RAD51B: variants seen among roughly 807,000 people sequenced by gnomAD.
RAD51B encodes the protein RAD51 paralog B.
In RAD51B, 38 loss-of-function variants were observed where a neutral mutation model predicts 42.2. The ratio of observed to expected loss-of-function variants is 0.90; its 90% confidence interval spans 0.70 to 1.18. The LOEUF (loss-of-function observed/expected upper bound fraction) is 1.18. Ranked by LOEUF, RAD51B falls within the 50% of genes most tolerant of loss-of-function variation. RAD51B has a pLI of 0.00. For missense variants in RAD51B, 373 were observed against 400.7 expected, an observed-to-expected ratio of 0.93 and a Z score of 0.59; for synonymous variants, 154 against 145.2, an observed-to-expected ratio of 1.06 and a Z score of -0.43.
Position 68,477,784 on chromosome 14 carries a change from G to A in RAD51B, c.*120G>A. The A allele has an allele frequency of 6.5e-7, 1 of 1,538,506 alleles. No individual in the cohort carries two copies. Among genetic ancestry groups the A allele is most frequent in the Non-Finnish European group, 8.7e-7 (1 of 1,147,294 alleles). ...AATGGGGATTAATTAGTTGATTGCTGTTGAGATGGTAACAGATTTGCTCCT... is the reference window on the plus strand; with the variant it reads ...AATGGGGATTAATTAGTTGATTGCTATTGAGATGGTAACAGATTTGCTCCT... On this transcript the variant is annotated 3_prime_UTR_variant, in exon 11 of 11. Transcript: ENST00000471583.
At chr14:68,543,902 A>G (rs1174375060) in intron 10 of RAD51B, among the ~76,000 whole-genome samples, 2 of 152,232 alleles carry the variant, frequency 1.3e-5, no homozygotes, top group African/African-American at 4.8e-5. Context: ...TACACCAGAC[A>G]GCCTCTCAGG....
chr14:68,444,535 G>A lies in RAD51B; in HGVS notation c.958-23637G>A, dbSNP rs147321793. Among the ~76,000 whole-genome samples, 208 of 152,306 alleles carry A rather than the reference G, an allele frequency of 1.4e-3. 1 individual carries two copies. The highest frequency in any genetic ancestry group is 4.9e-3 in the African/African-American group (204 of 41,574). ...ATTGGAATGGAAATTAAACCATCCA[G>A]AGTGTTTTATTTTAGAGGGATAGGG... On this transcript the variant is annotated intron_variant, in intron 9 of 10. Transcript: ENST00000471583.
chr14:68,529,275 C>A (rs972715128), intron 10 of RAD51B, among the ~76,000 whole-genome samples: 1 of 152,216 alleles, frequency 6.6e-6, no homozygotes, highest in Non-Finnish European at 1.5e-5. Context: ...TGGCTCACTG[C>A]AACTTCCTCC....
rs763268750 is a variant in RAD51B at position 67,830,615 on chromosome 14, G to A, written c.199-4465G>A. On this transcript the variant is annotated intron_variant, in intron 3 of 10. Coordinates refer to ENST00000471583, the MANE Select transcript of RAD51B (RefSeq NM_133510.4). ...TGGGGTTTTGCCATTGTCCAGGCTGGTCTCAAACTGCTGGCCTCAAGCAAT... is the reference window on the plus strand; with the variant it reads ...TGGGGTTTTGCCATTGTCCAGGCTGATCTCAAACTGCTGGCCTCAAGCAAT... Among the ~76,000 whole-genome samples the A allele has an allele frequency of 2.0e-5, 3 of 152,018 alleles. No homozygotes were observed. The South Asian group carries it at 6.2e-4, about 32-fold the overall frequency.
chr14:68,423,059 A>G (rs2084748333), intron 9 of RAD51B, among the ~76,000 whole-genome samples: 1 of 152,178 alleles, frequency 6.6e-6, no homozygotes, highest in African/African-American at 2.4e-5. Context: ...ACTGTTGGAC[A>G]TTCATTTTAT....
intron 9 of RAD51B, among the ~76,000 whole-genome samples, chr14:68,438,622 C>T (rs2085204911): frequency 6.6e-6 from 1 of 152,150 alleles, no homozygotes; most frequent in Non-Finnish European, 1.5e-5. Context: ...CTGCCTCCCA[C>T]CACTGTTTAT....
chr14:68,669,254 G>A (rs1012037906), intron 11 of RAD51B, among the ~76,000 whole-genome samples: 2 of 152,220 alleles, frequency 1.3e-5, no homozygotes, highest in African/African-American at 4.8e-5. Flanking sequence ...AAGAAGAGAA[G>A]TCTAATTGCA....
At chr14:68,260,340 G>A (rs917215394) in intron 7 of RAD51B, among the ~76,000 whole-genome samples, 3 of 34,192 alleles carry the variant, frequency 8.8e-5, no homozygotes, top group Non-Finnish European at 1.8e-4. Context: ...GACAGCGGGG[G>A]TAGAGATAGT....
intron 8 of RAD51B, among the ~76,000 whole-genome samples, chr14:68,314,127 C>T (rs928453277): frequency 2.0e-5 from 3 of 152,202 alleles, no homozygotes; most frequent in Admixed American, 2.0e-4. Context: ...GAGTCATTCT[C>T]TCTTCAGAGA....
chr14:68,108,480 G>C (rs1264177729), intron 7 of RAD51B, among the ~76,000 whole-genome samples: 1 of 151,912 alleles, frequency 6.6e-6, no homozygotes, highest in Non-Finnish European at 1.5e-5. Flanking sequence ...ATGGATGAAC[G>C]TTCTGTTAAG....
intron 11 of RAD51B, among the ~76,000 whole-genome samples, chr14:68,670,967 T>C (rs1893143764): frequency 6.6e-6 from 1 of 152,192 alleles, no homozygotes; most frequent in Non-Finnish European, 1.5e-5. Flanking sequence ...GGGTCTCTTC[T>C]GTGATGACCA....
At chr14:68,371,060 A>AAAAG (rs1466312844) in intron 8 of RAD51B, among the ~76,000 whole-genome samples, 1 of 145,470 alleles carries the variant, frequency 6.9e-6, no homozygotes, top group Non-Finnish European at 1.5e-5. Flanking sequence ...AAAAAAGAAA[A>AAAAG]AAAGAAAAGA....
intron 7 of RAD51B, among the ~76,000 whole-genome samples, chr14:67,909,742 G>A (rs984384732): frequency 5.3e-5 from 8 of 152,272 alleles, no homozygotes; most frequent in African/African-American, 1.4e-4. Flanking sequence ...AGCGTAGCAC[G>A]AACATGGCTC....
intron 10 of RAD51B, among the ~76,000 whole-genome samples, chr14:68,549,791 T>C (rs1007351222): frequency 1.3e-5 from 2 of 152,208 alleles, no homozygotes; most frequent in African/African-American, 2.4e-5. Context: ...TACTAAGTCA[T>C]GTGGGAAGCT....
intron 10 of RAD51B, among the ~76,000 whole-genome samples, chr14:68,630,690 C>T (rs17756651): frequency 0.047 from 7,074 of 151,192 alleles, 216 homozygotes; most frequent in Non-Finnish European, 0.054. Flanking sequence ...TTCCAGACAA[C>T]CTTCGGCCGG....
rs555809775 is a variant in RAD51B at position 68,469,270 on chromosome 14, A to C, written c.1036+1020A>C. Among the ~76,000 whole-genome samples, 4 of 152,384 alleles carry C rather than the reference A, an allele frequency of 2.6e-5. No individual in the cohort carries two copies. The South Asian group carries it at 8.3e-4, about 32-fold the overall frequency. On this transcript the variant is annotated intron_variant, in intron 10 of 10. Transcript: ENST00000471583. ...TAATTTCCCCATGGAGACACAATGC[A>C]GTGCAAAGACCTAGCAGGGAATATG...
chr14:67,970,070 C>T (rs548319811), intron 7 of RAD51B, among the ~76,000 whole-genome samples: 21 of 152,236 alleles, frequency 1.4e-4, no homozygotes, highest in African/African-American at 4.8e-4. Flanking sequence ...ATCACTGTCT[C>T]ATTTTGTGAT....
chr14:68,212,861 A>G (rs2079738961), intron 7 of RAD51B, among the ~76,000 whole-genome samples: 1 of 152,168 alleles, frequency 6.6e-6, no homozygotes, highest in Non-Finnish European at 1.5e-5. Context: ...AGTTCATCTT[A>G]TTGGTTATGG....
At chr14:68,009,141 G>A (rs2075643114) in intron 7 of RAD51B, among the ~76,000 whole-genome samples, 2 of 151,906 alleles carry the variant, frequency 1.3e-5, no homozygotes, top group Non-Finnish European at 2.9e-5. Context: ...ATCTACGGTG[G>A]AAATCAGAGT....
Sources: gnomAD v4.1 joint callset for allele counts (sites outside exome capture counted in the v4.1 genomes callset) on GRCh38, gnomAD v4.1.1 for gene constraint, MANE v1.5 for transcripts, NCBI Gene and HGNC (gene_info 2026-07-23, HGNC 2026-07-21) for gene names.